DNM2: variants seen among roughly 807,000 people sequenced by gnomAD.
The protein encoded by DNM2 is dynamin 2, also known as dynamin-2.
A neutral mutation model predicts 99.0 loss-of-function variants in DNM2; 15 were observed. The ratio of observed to expected loss-of-function variants is 0.15; its 90% CI spans 0.10 to 0.23. DNM2 has a LOEUF of 0.23. Ranked by LOEUF, DNM2 falls within the 10% of genes least tolerant of loss-of-function variation. The probability of loss-of-function intolerance (pLI) is 1.00; values close to 1 mark genes in which losing one functional copy is unlikely to be tolerated. For missense variants in DNM2, 742 were observed against 1,189.4 expected (o/e 0.62, Z 5.53); for synonymous variants, 525 against 481.2 (o/e 1.09, Z -1.19).
chr19:10,783,154 C>T (rs1244389219), intron 6 of DNM2, 34 bp downstream of exon 6: 1 of 1,604,292 alleles, frequency 6.2e-7, no homozygotes, highest in South Asian at 1.1e-5. Context: ...TGTGCAGTGG[C>T]ATAGGCTGTG....
In DNM2 at chr19:10,733,415, A is replaced by T. The variant is rs1008897009; in HGVS notation, c.161+15012A>T. On this transcript the variant is annotated intron_variant, in intron 1 of 20. Coordinates refer to ENST00000389253, the MANE Select transcript of DNM2 (RefSeq NM_001005361.3). ...TCCATGTTGCCCAGGCTGGTCTTGA[A>T]CTCCTGAGCTCAGGTAATCTGCCTG... Among the ~76,000 whole-genome samples, 14 of 144,690 alleles carry T rather than the reference A, an allele frequency of 9.7e-5. 1 individual carries two copies. The highest frequency in any genetic ancestry group is 2.2e-4 in the South Asian group (1 of 4,540). 94.9% of individuals were successfully genotyped at this position (144,690 alleles called of 152,430 possible).
chr19:10,772,559 G>C lies in DNM2; in HGVS notation c.316G>C (p.Asp106His). Residue 106 changes from aspartate to histidine, a missense_variant, in exon 3 of 21, where the codon GAC (aspartate) becomes CAC (histidine). Physicochemically the swap from Asp to His is moderately conservative, Grantham distance 81. Around this residue, in one of 7 missense-constraint regions of DNM2, gnomAD observed 192 missense variants for 358.9 expected, o/e 0.54. Transcript: ENST00000389253. The surrounding 1 kb of genome is among the most constrained non-coding windows in gnomAD (Gnocchi z 4.9). ...EVRQEIEAETDRVTGTNKGIS... is the reference protein window; with the variant it reads ...EVRQEIEAETHRVTGTNKGIS... ...CCGGCAGGAGATTGAAGCAGAGACC[G>C]ACAGGGTCACGGGGACCAACAAAGG... 1.2e-6 allele frequency: 2 copies of C among 1,614,142 alleles called. No individual in the cohort carries two copies. The highest frequency in any genetic ancestry group is 1.7e-6 in the Non-Finnish European group (2 of 1,180,038).
chr19:10,786,217 A>G (rs1216806755), intron 6 of DNM2, among the ~76,000 whole-genome samples: 1 of 152,174 alleles, frequency 6.6e-6, no homozygotes, highest in Non-Finnish European at 1.5e-5. Context: ...CTTAGTTTGT[A>G]GGGCCTGTCC....
Position 10,777,129 on chromosome 19 carries a change from A to G in DNM2, c.601A>G (p.Ile201Val), listed in dbSNP as rs969140793. Residue 201 changes from isoleucine (I) to valine (V), a missense_variant, in exon 5 of 21, where the codon ATC (isoleucine) becomes GTC (valine). By Grantham distance (29) the Ile-to-Val change is conservative (BLOSUM62 3). Coordinates refer to ENST00000389253, the MANE Select transcript of DNM2 (RefSeq NM_001005361.3). ...CTGGGCTCTTTCAGGCCTACGGACC[A>G]TCGGTGTCATCACCAAGCTTGACCT... ...KEVDPQGLRTIGVITKLDLMD... is the reference protein window; with the variant it reads ...KEVDPQGLRTVGVITKLDLMD... The G allele has an allele frequency of 1.1e-5, 18 of 1,614,098 alleles. No individual in the cohort carries two copies. The African/African-American group carries it at 1.7e-4, about 16-fold the overall frequency.
Position 10,797,393 on chromosome 19 carries a change from A to G in DNM2, c.1210A>G (p.Thr404Ala). The G allele has an allele frequency of 6.2e-7, 1 of 1,612,086 alleles. No homozygotes were observed. The highest frequency in any genetic ancestry group is 1.1e-5 in the South Asian group (1 of 90,946). The part of the protein sequence containing the change: ...NIHGVRTGLF[T>A]PDMAFEAIVK... ...CGCATGACCCAGGACGGGGCTCTTC[A>G]CCCCCGACATGGCCTTTGAAGCCAT... Residue 404 changes from threonine (T) to alanine (A), a missense_variant, in exon 10 of 21, where the codon ACC becomes GCC. Around this residue, in one of 7 missense-constraint regions of DNM2, gnomAD observed 240 missense variants for 431.3 expected, o/e 0.56. Coordinates refer to ENST00000389253, the MANE Select transcript of DNM2 (RefSeq NM_001005361.3).
chr19:10,746,195 A>G (rs1420592929), intron 1 of DNM2, among the ~76,000 whole-genome samples: 2 of 152,166 alleles, frequency 1.3e-5, no homozygotes, highest in African/African-American at 4.8e-5. Context: ...TCTGGACCTC[A>G]GGTGATCCAC....
At chr19:10,770,591 A>T (rs564378912) in intron 2 of DNM2, among the ~76,000 whole-genome samples, 1 of 152,294 alleles carries the variant, frequency 6.6e-6, no homozygotes, top group African/African-American at 2.4e-5. Context: ...GGCAATTTAC[A>T]AAAGAAAGAG....
chr19:10,754,055 A>G (rs2070298643), intron 1 of DNM2, among the ~76,000 whole-genome samples: 1 of 152,156 alleles, frequency 6.6e-6, no homozygotes, highest in African/African-American at 2.4e-5. Context: ...ATATTTAACT[A>G]GTCCCCTGTT....
chr19:10,819,422 C>T (rs896026309), intron 15 of DNM2, among the ~76,000 whole-genome samples: 1 of 152,142 alleles, frequency 6.6e-6, no homozygotes, highest in Non-Finnish European at 1.5e-5. Context: ...GTAACTCACT[C>T]CTAGGCTCGT....
At chr19:10,767,969 G>A (rs2070853095) in intron 2 of DNM2, among the ~76,000 whole-genome samples, 2 of 152,138 alleles carry the variant, frequency 1.3e-5, no homozygotes, top group African/African-American at 4.8e-5. Flanking sequence ...CCATGCCAGG[G>A]AGCCCTGTGA....
chr19:10,728,584 C>G (rs1376010837), intron 1 of DNM2, among the ~76,000 whole-genome samples: 1 of 151,868 alleles, frequency 6.6e-6, no homozygotes, highest in Admixed American at 6.6e-5. Context: ...AAGCAGCAAC[C>G]ACTCTACACC....
chr19:10,777,080 G>A (rs1568294657), intron 4 of DNM2, 38 bp from the exon 5 acceptor site: 1 of 1,605,740 alleles, frequency 6.2e-7, no homozygotes, highest in African/African-American at 1.3e-5. Flanking sequence ...CTCTTTCCTG[G>A]TGGCAGCCTC....
chr19:10,746,727 G>GTTT (rs757494612), intron 1 of DNM2, among the ~76,000 whole-genome samples: 1,704 of 116,036 alleles, frequency 0.015, 161 homozygotes, highest in South Asian at 0.024. Flanking sequence ...CTTTTTTTTT[G>GTTT]TTTTTTGTTT....
chr19:10,761,819 A>G (rs1044284036), intron 2 of DNM2, among the ~76,000 whole-genome samples: 1 of 152,118 alleles, frequency 6.6e-6, no homozygotes, highest in African/African-American at 2.4e-5. Context: ...GCGTGTCTCC[A>G]GTGAGAGACA....
In DNM2 at chr19:10,818,644, C is replaced by T. The variant is rs564743326; in HGVS notation, c.1672-1336C>T. Among the ~76,000 whole-genome samples the T allele has an allele frequency of 9.5e-4, 145 of 152,340 alleles. 1 individual carries two copies. Among genetic ancestry groups the T allele is most frequent in the Admixed American group, 2.7e-3 (41 of 15,300 alleles). ...TGGCCCCCACTTGCCAGGGAGCCCC[C>T]GCTGCCTTCTCCACAGTCACTGTGG... On this transcript the variant is annotated intron_variant, in intron 15 of 20. Transcript: ENST00000389253. The surrounding 1 kb of genome is among the most constrained non-coding windows in gnomAD (Gnocchi z 4.3).
intron 6 of DNM2, 190 bp from the exon 7 acceptor site, chr19:10,786,374 G>A (rs756184766): frequency 9.6e-6 from 9 of 938,820 alleles, no homozygotes; most frequent in Middle Eastern, 3.2e-4. Context: ...GGGCAGCTCC[G>A]TGCCGTCTCC....
chr19:10,757,759 A>G (rs988420145), intron 1 of DNM2, among the ~76,000 whole-genome samples: 1 of 152,100 alleles, frequency 6.6e-6, no homozygotes. Flanking sequence ...TCTGGCCAAC[A>G]TAGTGAAACC....
At chr19:10,787,131 C>T (rs1461549917) in intron 7 of DNM2, among the ~76,000 whole-genome samples, 2 of 151,070 alleles carry the variant, frequency 1.3e-5, no homozygotes, top group Non-Finnish European at 3.0e-5. Flanking sequence ...GTCGGGAGTT[C>T]GAGACCAGCC....
chr19:10,735,240 G>A (rs1411500694), intron 1 of DNM2, among the ~76,000 whole-genome samples: 6 of 151,848 alleles, frequency 4.0e-5, no homozygotes, highest in Admixed American at 2.6e-4. Context: ...GGGTTTCACC[G>A]TGTTAGCCAG....
Sources: allele counts gnomAD v4.1 joint callset (sites outside exome capture counted in the v4.1 genomes callset), GRCh38; gene constraint gnomAD v4.1.1; regional missense constraint gnomAD v4.1.1; non-coding constraint Gnocchi (gnomAD v3.1); transcripts MANE v1.5; gene names NCBI Gene and HGNC (gene_info 2026-07-23, HGNC 2026-07-21).